SYK: variants seen among roughly 807,000 people sequenced by gnomAD.
The protein encoded by SYK is tyrosine-protein kinase SYK.
A neutral mutation model predicts 77.8 loss-of-function variants in SYK; 16 were observed. That is an observed-to-expected ratio of 0.21 (90% CI 0.14 to 0.31). SYK has a LOEUF of 0.31. Among genes scored for constraint, SYK ranks in the 10% least tolerant of loss-of-function variants. SYK has a pLI of 1.00. For synonymous variants in SYK, 312 were observed against 308.7 expected (o/e 1.01, Z -0.11); for missense variants, 529 against 814.4 (o/e 0.65, Z 4.26).
intron 3 of SYK, among the ~76,000 whole-genome samples, chr9:90,855,007 T>TACACACACACACACACACACAC (rs769425530): frequency 4.8e-5 from 2 of 42,044 alleles, no homozygotes; most frequent in African/African-American, 1.5e-4. Flanking sequence ...CACACACACA[T>TACACACACACACACACACACAC]ACATACACAC....
intron 1 of SYK, among the ~76,000 whole-genome samples, chr9:90,803,557 T>C (rs1824692444): frequency 6.6e-6 from 1 of 152,162 alleles, no homozygotes; most frequent in Non-Finnish European, 1.5e-5. Context: ...TAGATTTCAC[T>C]TTAGAAATGA....
chr9:90,840,302 C>G (rs1044989038), intron 1 of SYK, among the ~76,000 whole-genome samples: 4 of 151,958 alleles, frequency 2.6e-5, no homozygotes, highest in Non-Finnish European at 4.4e-5. Flanking sequence ...TGTGTCAGAG[C>G]CCCCAGGCCA....
intron 3 of SYK, among the ~76,000 whole-genome samples, chr9:90,848,928 C>T (rs1054079612): frequency 1.3e-5 from 2 of 152,194 alleles, no homozygotes; most frequent in African/African-American, 4.8e-5. Flanking sequence ...TGAGAAGAGG[C>T]CTGAAGGCAG....
chr9:90,877,333 A>G (rs887335587), intron 9 of SYK, among the ~76,000 whole-genome samples: 3 of 152,158 alleles, frequency 2.0e-5, no homozygotes, highest in African/African-American at 7.2e-5. Context: ...ATGAGCCACC[A>G]TGCCCAGCCC....
intron 1 of SYK, among the ~76,000 whole-genome samples, chr9:90,828,814 T>A (rs1416375671): frequency 6.6e-6 from 1 of 151,788 alleles, no homozygotes; most frequent in Non-Finnish European, 1.5e-5. Context: ...CCTGGCCCGG[T>A]CACCAGCACA....
intron 11 of SYK, among the ~76,000 whole-genome samples, chr9:90,884,186 TAC>T (rs1409972318): frequency 8.8e-5 from 12 of 135,752 alleles, no homozygotes; most frequent in African/African-American, 2.4e-4. Flanking sequence ...CGTGTATATA[TAC>T]ACACATACAC....
chr9:90,847,902 T>C (rs1409869229), intron 3 of SYK, among the ~76,000 whole-genome samples: 1 of 152,268 alleles, frequency 6.6e-6, no homozygotes, highest in African/African-American at 2.4e-5. Context: ...GGGTATCTTA[T>C]GGTGTTTTTA....
intron 1 of SYK, among the ~76,000 whole-genome samples, chr9:90,820,738 G>T (rs140429256): frequency 0.013 from 1,930 of 152,324 alleles, 45 homozygotes; most frequent in African/African-American, 0.043. Flanking sequence ...TGGTCTTGGG[G>T]ATTAACATTA....
chr9:90,884,222 T>TAC lies in SYK; in HGVS notation c.1582-3523_1582-3522dup, dbSNP rs1212949180. 2.3e-3 allele frequency among the ~76,000 whole-genome samples: 143 copies of TAC among 62,674 alleles called. 6 individuals are homozygous for TAC. The highest frequency in any genetic ancestry group is 8.2e-3 in the African/African-American group (89 of 10,862). 41.1% of individuals were successfully genotyped at this position (62,674 alleles called of 152,430 possible). On this transcript the variant is annotated intron_variant, in intron 11 of 13. Coordinates refer to ENST00000375754, the MANE Select transcript of SYK (RefSeq NM_003177.7). The stretch of plus-strand genomic sequence containing the variant: ...ACATACGTGTATATATACACGCATA[T>TAC]ACACATACACATACGTGTATATATA...
intron 1 of SYK, among the ~76,000 whole-genome samples, chr9:90,808,658 G>A (rs1053953253): frequency 1.3e-5 from 2 of 151,984 alleles, no homozygotes; most frequent in African/African-American, 2.4e-5. Context: ...CTATTCAAAC[G>A]AAGCCACACA....
chr9:90,837,634 T>A (rs1587840220), intron 1 of SYK, among the ~76,000 whole-genome samples: 1 of 151,890 alleles, frequency 6.6e-6, no homozygotes, highest in African/African-American at 2.4e-5. Flanking sequence ...GATGGAGAGG[T>A]TCCTTGTGAG....
chr9:90,840,277 G>A (rs991807173), intron 1 of SYK, among the ~76,000 whole-genome samples: 2 of 152,154 alleles, frequency 1.3e-5, no homozygotes, highest in African/African-American at 2.4e-5. Flanking sequence ...GAGCAGCAGC[G>A]TCTCAGGCCC....
rs940112534 is a variant in SYK, at chr9:90,862,129, G to GC, written c.579-75dup. 6.1e-5 allele frequency: 92 copies of GC among 1,497,800 alleles called. No individual in the cohort carries two copies. The African/African-American group carries it at 1.2e-3, about 20-fold the overall frequency. 92.8% of individuals were successfully genotyped at this position (1,497,800 alleles called of 1,614,324 possible). A position where few individuals can be genotyped will look rare whatever the true frequency, so the allele number is the denominator to read the frequency against. The stretch of plus-strand genomic sequence containing the variant: ...CAGAGAGCGGCTGCTGACCATTCAG[G>GC]CCAGGGTGCTTCCTCCCAGGGTCCC... On this transcript the variant is annotated intron_variant, in intron 3 of 13. Coordinates refer to ENST00000375754, the MANE Select transcript of SYK (RefSeq NM_003177.7).
At chr9:90,866,409 G>A (rs1054785758) in intron 6 of SYK, among the ~76,000 whole-genome samples, 6 of 152,230 alleles carry the variant, frequency 3.9e-5, no homozygotes, top group South Asian at 2.1e-4. Context: ...TGCAGGGAAC[G>A]TGAATTTGCT....
At position 90,868,029 on chromosome 9, in the gene SYK, C is replaced by T. The variant is rs77890258; in HGVS notation, c.915+830C>T. 1.2e-4 allele frequency among the ~76,000 whole-genome samples: 18 copies of T among 152,100 alleles called. No homozygotes were observed. The South Asian group carries it at 3.7e-3, about 32-fold the overall frequency. ...GACATTTTAGCATATAATTGAGCAT[C>T]CACTCATGAAATAGATTGCCTAAAG... On this transcript the variant is annotated intron_variant, in intron 7 of 13. Transcript: ENST00000375754.
At chr9:90,840,689 A>C (rs1826273287) in intron 1 of SYK, among the ~76,000 whole-genome samples, 1 of 152,214 alleles carries the variant, frequency 6.6e-6, no homozygotes, top group South Asian at 2.1e-4. Context: ...CTCAAAAGTA[A>C]ATGTAGATAT....
chr9:90,843,075 C>G (rs1826437426), intron 1 of SYK, among the ~76,000 whole-genome samples: 1 of 152,180 alleles, frequency 6.6e-6, no homozygotes, highest in African/African-American at 2.4e-5. Flanking sequence ...GGAACCGGCA[C>G]TATCTCTTTA....
chr9:90,878,894 G>T lies in SYK; in HGVS notation c.1522G>T (p.Ala508Ser). Residue 508 changes from alanine to serine, a missense_variant, in exon 11 of 14, where the codon GCC (alanine) becomes TCC (serine). Ala to Ser is a moderately conservative substitution (Grantham distance 99). Coordinates refer to ENST00000375754, the MANE Select transcript of SYK (RefSeq NM_003177.7). Reference sequence around the variant, plus strand: ...TGTGTTGCTAGTTACCCAACATTACGCCAAGATCAGTGATTTCGGACTTTC... The same window carrying T: ...TGTGTTGCTAGTTACCCAACATTACTCCAAGATCAGTGATTTCGGACTTTC... ...RNVLLVTQHY[A>S]KISDFGLSKA... 1 of 1,614,128 alleles carries T rather than the reference G, an allele frequency of 6.2e-7. No homozygotes were observed. Among genetic ancestry groups the T allele is most frequent in the Non-Finnish European group, 8.5e-7 (1 of 1,179,972 alleles).
At chr9:90,825,644 T>A (rs1825645159) in intron 1 of SYK, among the ~76,000 whole-genome samples, 2 of 152,160 alleles carry the variant, frequency 1.3e-5, no homozygotes, top group African/African-American at 2.4e-5. Flanking sequence ...GCTCAAAGGG[T>A]AGCCTGGACA....
Sources: allele counts gnomAD v4.1 joint callset (sites outside exome capture counted in the v4.1 genomes callset), GRCh38; gene constraint gnomAD v4.1.1; transcripts MANE v1.5; gene names NCBI Gene and HGNC (gene_info 2026-07-23, HGNC 2026-07-21).